Variants in BTBD9 observed in about 807,000 individuals in gnomAD.
BTBD9 encodes BTB/POZ domain-containing protein 9.
A neutral mutation model predicts 64.3 loss-of-function variants in BTBD9; 49 were observed. That is an observed-to-expected ratio of 0.76 (90% CI 0.61 to 0.97). The LOEUF (loss-of-function observed/expected upper bound fraction) is 0.97, where lower values mean the gene tolerates loss of function less well. Among genes scored for constraint, BTBD9 ranks in the 50% least tolerant of loss-of-function variants. The pLI is 0.00. For missense variants in BTBD9, 598 were observed against 762.1 expected, an observed-to-expected ratio of 0.78 and a Z score of 2.53; for synonymous variants, 260 against 274.7, an observed-to-expected ratio of 0.95 and a Z score of 0.53.
At chr6:38,222,254 G>GTTTT (rs771737210) in intron 9 of BTBD9, among the ~76,000 whole-genome samples, 2,528 of 96,584 alleles carry the variant, frequency 0.026, 372 homozygotes, top group East Asian at 0.041. Context: ...AATTCATTCA[G>GTTTT]TTGTTTTTTT....
chr6:38,376,935 G>A (rs1765715092), intron 6 of BTBD9, among the ~76,000 whole-genome samples: 1 of 152,158 alleles, frequency 6.6e-6, no homozygotes, highest in Non-Finnish European at 1.5e-5. Context: ...CCTACTTGAT[G>A]ATATACTTGC....
chr6:38,593,604 C>T (rs1022629971), intron 3 of BTBD9, among the ~76,000 whole-genome samples: 4 of 152,188 alleles, frequency 2.6e-5, no homozygotes, highest in African/African-American at 9.7e-5. Flanking sequence ...CCTGCTTGCT[C>T]TAAGGAATTA....
chr6:38,237,018 CTT>C (rs1763802228), intron 9 of BTBD9, among the ~76,000 whole-genome samples: 2 of 152,222 alleles, frequency 1.3e-5, no homozygotes, highest in African/African-American at 4.8e-5. Flanking sequence ...CAAACACACA[CTT>C]TTCCTACACC....
chr6:38,180,646 T>C (rs1761513460), intron 10 of BTBD9, among the ~76,000 whole-genome samples: 1 of 152,340 alleles, frequency 6.6e-6, no homozygotes, highest in South Asian at 2.1e-4. Flanking sequence ...CGTGACCAAA[T>C]GTGGCTGAGA....
chr6:38,348,516 C>CT (rs1764378474), intron 6 of BTBD9, among the ~76,000 whole-genome samples: 1 of 152,152 alleles, frequency 6.6e-6, no homozygotes, highest in Non-Finnish European at 1.5e-5. Flanking sequence ...ATAATTAAAA[C>CT]TTAAACAGTG....
At chr6:38,280,068 C>G (rs918685273) in intron 8 of BTBD9, among the ~76,000 whole-genome samples, 1 of 152,076 alleles carries the variant, frequency 6.6e-6, no homozygotes, top group Non-Finnish European at 1.5e-5. Context: ...AATTCTAGTG[C>G]TCCTCCTGTA....
chr6:38,547,364 A>C lies in BTBD9; in HGVS notation c.1154+30236T>G, dbSNP rs140105884. Among the ~76,000 whole-genome samples, 14 of 152,292 alleles carry C rather than the reference A, an allele frequency of 9.2e-5. No individual in the cohort carries two copies. The East Asian group carries it at 2.7e-3, about 29-fold the overall frequency. On this transcript the variant is annotated intron_variant, in intron 6 of 10. Coordinates refer to ENST00000481247, the MANE Select transcript of BTBD9 (RefSeq NM_001099272.2). ...AGGATCGCTTAAGCCTGGGAGGTCG[A>C]GGCTGCAGTGAGCCATGATCATGAT...
At chr6:38,248,027 G>A (rs554291583) in intron 9 of BTBD9, among the ~76,000 whole-genome samples, 12 of 151,902 alleles carry the variant, frequency 7.9e-5, no homozygotes, top group African/African-American at 1.9e-4. Context: ...AATAATTTCC[G>A]TAATCCCTTA....
At chr6:38,250,813 C>T (rs1415107053) in intron 9 of BTBD9, among the ~76,000 whole-genome samples, 1 of 152,188 alleles carries the variant, frequency 6.6e-6, no homozygotes, top group Non-Finnish European at 1.5e-5. Context: ...TGGCTCACGC[C>T]TGTAATCCCA....
chr6:38,493,454 A>AG (rs1771793423), intron 6 of BTBD9, among the ~76,000 whole-genome samples: 1 of 152,202 alleles, frequency 6.6e-6, no homozygotes, highest in Non-Finnish European at 1.5e-5. Context: ...GAGGAAAATG[A>AG]GGTCTCACTC....
chr6:38,375,844 C>T (rs1239857959), intron 6 of BTBD9, among the ~76,000 whole-genome samples: 1 of 144,254 alleles, frequency 6.9e-6, no homozygotes, highest in African/African-American at 2.6e-5. Context: ...TTAACTAAAA[C>T]TTTCCCAAAG....
intron 6 of BTBD9, among the ~76,000 whole-genome samples, chr6:38,463,126 A>AAATC (rs1770180626): frequency 6.6e-6 from 1 of 152,140 alleles, no homozygotes; most frequent in Non-Finnish European, 1.5e-5. Flanking sequence ...TTTTTCCCCT[A>AAATC]AGTATTTCAA....
chr6:38,622,310 T>A (rs1046076441), intron 1 of BTBD9, among the ~76,000 whole-genome samples: 1 of 152,216 alleles, frequency 6.6e-6, no homozygotes, highest in Non-Finnish European at 1.5e-5. Context: ...TAGTCCCTGT[T>A]GATAACTTTA....
At chr6:38,334,603 AAC>A (rs1763812452) in intron 7 of BTBD9, among the ~76,000 whole-genome samples, 1 of 145,960 alleles carries the variant, frequency 6.9e-6, no homozygotes, top group Non-Finnish European at 1.5e-5. Context: ...AACATAACAT[AAC>A]ATAACATAAC....
chr6:38,347,752 A>G (rs906087869), intron 6 of BTBD9, among the ~76,000 whole-genome samples: 2 of 152,106 alleles, frequency 1.3e-5, no homozygotes, highest in Non-Finnish European at 2.9e-5. Flanking sequence ...ATCCCACCAC[A>G]TTGGGAGGCC....
chr6:38,559,996 A>G (rs1416191875), intron 6 of BTBD9, among the ~76,000 whole-genome samples: 1 of 152,196 alleles, frequency 6.6e-6, no homozygotes, highest in Admixed American at 6.5e-5. Context: ...CATAGGAAAT[A>G]CCATCTATCT....
intron 6 of BTBD9, among the ~76,000 whole-genome samples, chr6:38,537,539 A>T (rs1275856418): frequency 2.6e-5 from 4 of 152,342 alleles, no homozygotes; most frequent in Non-Finnish European, 5.9e-5. Context: ...TTTTAACACA[A>T]GGGCAAGCAT....
chr6:38,469,574 C>T (rs929633287), intron 6 of BTBD9, among the ~76,000 whole-genome samples: 2 of 152,116 alleles, frequency 1.3e-5, no homozygotes, highest in Admixed American at 6.5e-5. Flanking sequence ...CCCATCTCGG[C>T]CTCCAAAGTG....
intron 6 of BTBD9, among the ~76,000 whole-genome samples, chr6:38,358,722 C>CA: frequency 6.6e-6 from 1 of 151,548 alleles, no homozygotes; most frequent in Non-Finnish European, 1.5e-5. Flanking sequence ...TTCAATGACT[C>CA]AGACAGGATT....
Sources: gnomAD v4.1 joint callset for allele counts (sites outside exome capture counted in the v4.1 genomes callset) on GRCh38, gnomAD v4.1.1 for gene constraint, MANE v1.5 for transcripts, NCBI Gene and HGNC (gene_info 2026-07-23, HGNC 2026-07-21) for gene names.